CGAS: variants seen among roughly 807,000 people sequenced by gnomAD.
CGAS encodes the protein 2'3'-cGAMP synthase.
CGAS carries 31 observed loss-of-function variants against 34.0 expected under a neutral mutation model. The ratio of observed to expected loss-of-function variants is 0.91; its 90% CI spans 0.69 to 1.23. The LOEUF (loss-of-function observed/expected upper bound fraction) is 1.23, where lower values mean the gene tolerates loss of function less well. CGAS is among the 50% of genes most tolerant of loss of function. CGAS has a pLI of 0.00. For missense variants in CGAS, 597 were observed against 657.6 expected (o/e 0.91, Z 1.01); for synonymous variants, 266 against 260.0 (o/e 1.02, Z -0.22).
At chr6:73,442,998 G>A (rs916448374) in intron 2 of CGAS, among the ~76,000 whole-genome samples, 1 of 151,880 alleles carries the variant, frequency 6.6e-6, no homozygotes, top group Non-Finnish European at 1.5e-5. Context: ...CCAAAGTGCT[G>A]AGACACCACA....
In CGAS at chr6:73,436,996, C is replaced by T. The variant is rs532083057; in HGVS notation, c.1114+3213G>A. 2.1e-4 allele frequency among the ~76,000 whole-genome samples: 32 copies of T among 150,750 alleles called. 1 individual carries two copies. The East Asian group carries it at 6.1e-3, about 29-fold the overall frequency. On this transcript the variant is annotated intron_variant, in intron 3 of 4. Coordinates refer to ENST00000370315, the MANE Select transcript of CGAS (RefSeq NM_138441.3). ...TGAAACCTCATCTCTACTAAAAACA[C>T]AAAAATTAGCCAGGCGTGGTGGCAC...
Position 73,425,520 on chromosome 6 carries a change from CT to C in CGAS, c.1275del (p.Asp426ThrfsTer13), listed in dbSNP as rs768826782. On this transcript the variant is annotated frameshift_variant, in exon 5 of 5. Transcript: ENST00000370315. LOFTEE classifies it low-confidence loss of function (END_TRUNC). Reference sequence around the variant, plus strand: ...GAGAATTTATCCAGATGTTTTTTGTCTTTAAACCTTTCTTTCAGCTGTTCTA... The same window carrying C: ...GAGAATTTATCCAGATGTTTTTTGTCTTAAACCTTTCTTTCAGCTGTTCTA... ...YLLEQLKERF[K>X]DKKHLDKFSS... 7 of 1,610,922 alleles carry C rather than the reference CT, an allele frequency of 4.3e-6. No homozygotes were observed. The highest frequency in any genetic ancestry group is 5.9e-6 in the Non-Finnish European group (7 of 1,179,224).
chr6:73,448,358 T>A (rs915576277), intron 1 of CGAS, among the ~76,000 whole-genome samples: 2 of 152,028 alleles, frequency 1.3e-5, no homozygotes, highest in Non-Finnish European at 2.9e-5. Context: ...ACCCACGCCA[T>A]TGTACTCCAG....
chr6:73,426,005 C>T (rs982685462), intron 4 of CGAS, among the ~76,000 whole-genome samples: 1 of 150,730 alleles, frequency 6.6e-6, no homozygotes, highest in East Asian at 2.0e-4. Flanking sequence ...AACAAAAAAG[C>T]CGGGCGCGGT....
chr6:73,440,337 C>G lies in CGAS; in HGVS notation c.986G>C (p.Ser329Thr), dbSNP rs142038538. 4 of 1,614,036 alleles carry G rather than the reference C, an allele frequency of 2.5e-6. No homozygotes were observed. Among genetic ancestry groups the G allele is most frequent in the Non-Finnish European group, 2.5e-6 (3 of 1,180,044 alleles). ...DITLALESKS[S>T]WPASTQEGLR... ...GCCTTCTTGGGTGCTAGCAGGCCAG[C>G]TACTTTTTGATTCCAAAGCCAGGGT... Residue 329 changes from serine (S) to threonine (T), a missense_variant, in exon 3 of 5, where the codon AGC (serine) becomes ACC (threonine). By Grantham distance (58) the Ser-to-Thr change is moderately conservative. Transcript: ENST00000370315.
intron 2 of CGAS, among the ~76,000 whole-genome samples, chr6:73,444,190 A>T (rs1357368065): frequency 6.6e-6 from 1 of 151,990 alleles, no homozygotes; most frequent in Non-Finnish European, 1.5e-5. Flanking sequence ...GGGTTTCACC[A>T]TCTTAGCCAG....
At chr6:73,428,538 C>G (rs1340270098) in intron 4 of CGAS, among the ~76,000 whole-genome samples, 171 bp downstream of exon 4, 1 of 152,040 alleles carries the variant, frequency 6.6e-6, no homozygotes, top group Non-Finnish European at 1.5e-5. Context: ...TTTCCTTGGC[C>G]CTTTGGATCT....
Position 73,440,337 on chromosome 6 carries a change from C to T in CGAS, c.986G>A (p.Ser329Asn), listed in dbSNP as rs142038538. 2 of 1,614,036 alleles carry T rather than the reference C, an allele frequency of 1.2e-6. No individual in the cohort carries two copies. Among genetic ancestry groups the T allele is most frequent in the Non-Finnish European group, 1.7e-6 (2 of 1,180,044 alleles). Reference protein sequence around the residue: ...DITLALESKSSWPASTQEGLR... With the variant: ...DITLALESKSNWPASTQEGLR... ...GCCTTCTTGGGTGCTAGCAGGCCAG[C>T]TACTTTTTGATTCCAAAGCCAGGGT... Residue 329 changes from serine to asparagine, a missense_variant, in exon 3 of 5, where the codon AGC (serine) becomes AAC (asparagine). Physicochemically the swap from Ser to Asn is conservative, Grantham distance 46 (BLOSUM62 1). Coordinates refer to ENST00000370315, the MANE Select transcript of CGAS (RefSeq NM_138441.3).
At chr6:73,445,470 A>T in intron 2 of CGAS, 58 bp downstream of exon 2, 1 of 1,231,172 alleles carries the variant, frequency 8.1e-7, no homozygotes, top group Non-Finnish European at 1.1e-6. Context: ...ATGGGAGTGT[A>T]CATTGGCAAT....
intron 3 of CGAS, among the ~76,000 whole-genome samples, chr6:73,429,774 G>T (rs311670): frequency 0.76 from 115,110 of 151,866 alleles, 43,822 homozygotes; most frequent in African/African-American, 0.83. Flanking sequence ...TGCAGTGAGC[G>T]GAGATCGCGC....
intron 3 of CGAS, among the ~76,000 whole-genome samples, chr6:73,438,513 T>A (rs773802858): frequency 6.6e-6 from 1 of 151,936 alleles, no homozygotes; most frequent in Non-Finnish European, 1.5e-5. Flanking sequence ...CTGGCCAACA[T>A]AATGAAACCC....
chr6:73,438,677 A>G (rs1385998727), intron 3 of CGAS, among the ~76,000 whole-genome samples: 1 of 148,114 alleles, frequency 6.8e-6, no homozygotes. Context: ...CCTGGGCAAC[A>G]AAGCAAGAAT....
intron 3 of CGAS, among the ~76,000 whole-genome samples, chr6:73,429,759 G>A (rs1770159649): frequency 1.3e-5 from 2 of 151,956 alleles, no homozygotes; most frequent in Admixed American, 1.3e-4. Flanking sequence ...CCGGGAGGTG[G>A]AGCTTGCAGT....
chr6:73,441,413 G>C (rs774290030), intron 2 of CGAS, among the ~76,000 whole-genome samples: 1 of 152,148 alleles, frequency 6.6e-6, no homozygotes, highest in Non-Finnish European at 1.5e-5. Flanking sequence ...ATCAAGACAC[G>C]GGGAAGAAGT....
Position 73,425,407 on chromosome 6 carries a change from G to A in CGAS, c.1389C>T (p.Cys463=). The change falls in exon 5 of 5, where the codon TGC becomes TGT. Residue 463 remains cysteine, a synonymous_variant. Coordinates refer to ENST00000370315, the MANE Select transcript of CGAS (RefSeq NM_138441.3). ...GAAAGTATGTCACGCAGTTATCAAA[G>A]CAGAGGCCCAGGTCTTTGCGGTCCC... ...SQWDRKDLGL[C]FDNCVTYFLQ... The A allele has an allele frequency of 6.2e-7, 1 of 1,613,924 alleles. No individual in the cohort carries two copies. Among genetic ancestry groups the A allele is most frequent in the Non-Finnish European group, 8.5e-7 (1 of 1,179,998 alleles).
intron 1 of CGAS, 34 bp from the exon 2 acceptor site, chr6:73,445,781 G>T: frequency 6.9e-7 from 1 of 1,449,546 alleles, no homozygotes; most frequent in African/African-American, 1.4e-5. Context: ...TGAAATATTT[G>T]CTTATGAATA....
intron 3 of CGAS, among the ~76,000 whole-genome samples, chr6:73,437,872 A>T (rs1394974003): frequency 6.6e-6 from 1 of 152,132 alleles, no homozygotes; most frequent in East Asian, 1.9e-4. Context: ...GTTCGAGATC[A>T]GCCTGGCCAA....
intron 2 of CGAS, among the ~76,000 whole-genome samples, chr6:73,442,801 C>A (rs189915133): frequency 1.3e-5 from 2 of 151,984 alleles, no homozygotes; most frequent in African/African-American, 4.8e-5. Context: ...GTTTCATCAT[C>A]TTGGCCAGGC....
intron 2 of CGAS, among the ~76,000 whole-genome samples, chr6:73,443,104 C>G (rs151173071): frequency 2.0e-5 from 3 of 152,238 alleles, no homozygotes; most frequent in Non-Finnish European, 4.4e-5. Flanking sequence ...ACTGACATTT[C>G]TCTTGTCAAC....
Sources: gnomAD v4.1 joint callset for allele counts (sites outside exome capture counted in the v4.1 genomes callset) on GRCh38, gnomAD v4.1.1 for gene constraint, MANE v1.5 for transcripts, NCBI Gene and HGNC (gene_info 2026-07-23, HGNC 2026-07-21) for gene names.